Variants in DDX54 observed in about 807,000 individuals in gnomAD.
DDX54 encodes the protein DEAD-box helicase 54, also known as ATP-dependent RNA helicase DDX54.
A neutral mutation model predicts 105.5 loss-of-function variants in DDX54; 67 were observed. The observed-to-expected ratio is 0.64, with a 90% CI of 0.52 to 0.78. The LOEUF (loss-of-function observed/expected upper bound fraction) is 0.78. Among genes scored for constraint, DDX54 ranks in the 30% least tolerant of loss-of-function variants. The pLI, the probability that DDX54 is intolerant of heterozygous loss-of-function variation, is 0.00. For missense variants in DDX54, 1,206 were observed against 1,230.5 expected, an observed-to-expected ratio of 0.98 and a Z score of 0.30; for synonymous variants, 514 against 509.9, an observed-to-expected ratio of 1.01 and a Z score of -0.11.
At chr12:113,165,538 T>A in intron 14 of DDX54, 106 bp downstream of exon 14, 2 of 1,242,458 alleles carry the variant, frequency 1.6e-6, no homozygotes, top group Admixed American at 2.9e-5. Context: ...GCAATCTGAG[T>A]CCTGGCACCA....
chr12:113,157,979 GAAA>G lies in DDX54; in HGVS notation c.*895_*897del. On this transcript the variant is annotated 3_prime_UTR_variant, in exon 20 of 20. Transcript: ENST00000306014. Reference sequence around the variant, plus strand: ...CTCCCTGCCAGGGTGGTTGGGGCATGAAAAAAAACTCTTTGTCAGGTCTCAGAA... The same window carrying G: ...CTCCCTGCCAGGGTGGTTGGGGCATGAAAAACTCTTTGTCAGGTCTCAGAA... 2.3e-6 allele frequency: 1 copy of G among 440,212 alleles called. No individual in the cohort carries two copies. Among genetic ancestry groups the G allele is most frequent in the Admixed American group, 3.5e-5 (1 of 28,948 alleles). 27.3% of individuals were successfully genotyped at this position (440,212 alleles called of 1,614,324 possible).
In DDX54 at chr12:113,163,563, C is replaced by A. The variant is rs565328389; in HGVS notation, c.1939-289G>T. On this transcript the variant is annotated intron_variant, in intron 15 of 19. Coordinates refer to ENST00000306014, the MANE Select transcript of DDX54 (RefSeq NM_024072.4). This position sits in a 1 kb window ranked among gnomAD's most constrained non-coding sequence, Gnocchi z 5.9. The stretch of plus-strand genomic sequence containing the variant: ...GAGACCCAACTCCCCATTCCAGCTC[C>A]GCACCCCAGGCTATGTGACAGCCGG... Among the ~76,000 whole-genome samples, 112 of 152,294 alleles carry A rather than the reference C, an allele frequency of 7.4e-4. No individual in the cohort carries two copies. Among genetic ancestry groups the A allele is most frequent in the Non-Finnish European group, 1.2e-3 (84 of 68,024 alleles).
chr12:113,157,406 G>A lies in DDX54; in HGVS notation c.*1471C>T, dbSNP rs1172073554. 6.8e-6 allele frequency: 4 copies of A among 592,090 alleles called. No homozygotes were observed. The highest frequency in any genetic ancestry group is 6.2e-5 in the South Asian group (3 of 48,624). The allele number at this position is 592,090 out of a possible 1,614,324, so 36.7% of individuals were successfully genotyped here. On this transcript the variant is annotated 3_prime_UTR_variant, in exon 20 of 20. Transcript: ENST00000306014. ...GTCTGCTCACGCAGCAGTTGGGAAG[G>A]TTGGCCTGAGGCTTTCAAAACCCAG...
At position 113,180,031 on chromosome 12, in the gene DDX54, G is replaced by A. The variant is rs781391511; in HGVS notation, c.305-26C>T. ...CTGGGAGAGACATGAAACGGTCAGG[G>A]GGCCGAGGGAGTCCCCACAGCACCA... On this transcript the variant is annotated intron_variant, in intron 2 of 19. Transcript: ENST00000306014. The A allele has an allele frequency of 1.9e-6, 3 of 1,613,690 alleles. No homozygotes were observed. In the East Asian group the frequency reaches 6.7e-5, roughly 36 times the overall value.
At position 113,164,188 on chromosome 12, in the gene DDX54, T is replaced by G; in HGVS notation, c.1817A>C (p.Gln606Pro). The G allele has an allele frequency of 6.4e-7, 1 of 1,569,584 alleles. No homozygotes were observed. The highest frequency in any genetic ancestry group is 1.7e-4 in the Middle Eastern group (1 of 5,990). Residue 606 changes from glutamine (Q) to proline (P), a missense_variant, in exon 15 of 20, where the codon CAG (glutamine) becomes CCG (proline). By Grantham distance (76) the Gln-to-Pro change is moderately conservative (BLOSUM62 -1). Coordinates refer to ENST00000306014, the MANE Select transcript of DDX54 (RefSeq NM_024072.4). ...KDRKAIARFQQGQQGRQEQQE... is the reference protein window; with the variant it reads ...KDRKAIARFQPGQQGRQEQQE... The stretch of plus-strand genomic sequence containing the variant: ...CTGCTCCTGCCGCCCCTGCTGTCCC[T>G]GCTGGAAGCGGGCGATGGCCTTGCG...
intron 12 of DDX54, among the ~76,000 whole-genome samples, chr12:113,166,560 G>C (rs2136317123): frequency 6.6e-6 from 1 of 152,216 alleles, no homozygotes; most frequent in South Asian, 2.1e-4. Context: ...AATTAGCCGG[G>C]CATGGTGGTG....
intron 11 of DDX54, among the ~76,000 whole-genome samples, chr12:113,170,527 T>C (rs1223726886): frequency 1.3e-5 from 2 of 152,172 alleles, no homozygotes; most frequent in African/African-American, 4.8e-5. Context: ...TAGCCCTAAG[T>C]ACTTGGGAGG....
In DDX54 at chr12:113,174,864, T is replaced by C. The variant is rs1290467179; in HGVS notation, c.936+11A>G. ...ACACAACCTCCTGGGATGGGACAGG[T>C]GCAGCCTCACCTTCAGCTGCTCGTT... On this transcript the variant is annotated intron_variant, in intron 9 of 19. Transcript: ENST00000306014. 1 of 1,614,136 alleles carries C rather than the reference T, an allele frequency of 6.2e-7. No homozygotes were observed. Among genetic ancestry groups the C allele is most frequent in the Admixed American group, 1.7e-5 (1 of 60,016 alleles).
At chr12:113,176,033 C>T (rs1952398676) in intron 7 of DDX54, among the ~76,000 whole-genome samples, 1 of 147,264 alleles carries the variant, frequency 6.8e-6, no homozygotes, top group Non-Finnish European at 1.5e-5. Context: ...CCCTCCCCAA[C>T]TCTGCCAGGG....
chr12:113,172,556 G>A lies in DDX54; in HGVS notation c.1076C>T (p.Thr359Met), dbSNP rs549423905. ...GTGGGCGCAGCTCACCCGCTGGGTC[G>A]TCAGCAGCTGCTCAGAGCAAAGATG... Reference protein sequence around the residue: ...HHAEYLTELLTTQRVSCAHIY... With the variant: ...HHAEYLTELLMTQRVSCAHIY... Residue 359 changes from threonine to methionine, a missense_variant, in exon 11 of 20, where the codon ACG (threonine) becomes ATG (methionine). Coordinates refer to ENST00000306014, the MANE Select transcript of DDX54 (RefSeq NM_024072.4). 12 of 1,614,068 alleles carry A rather than the reference G, an allele frequency of 7.4e-6. No individual in the cohort carries two copies. The highest frequency in any genetic ancestry group is 3.3e-4 in the Middle Eastern group (2 of 6,058).
In DDX54 at chr12:113,172,550, T is replaced by A; in HGVS notation, c.1082A>T (p.Gln361Leu). 1 of 1,614,156 alleles carries A rather than the reference T, an allele frequency of 6.2e-7. No homozygotes were observed. Among genetic ancestry groups the A allele is most frequent in the Non-Finnish European group, 8.5e-7 (1 of 1,180,040 alleles). Residue 361 changes from glutamine to leucine, a missense_variant, in exon 11 of 20, where the codon CAG becomes CTG. By Grantham distance (113) the Gln-to-Leu change is moderately radical (BLOSUM62 -2). Around this residue, in one of 3 missense-constraint regions of DDX54, gnomAD observed 961 missense variants for 1,019.1 expected, o/e 0.94. Transcript: ENST00000306014. ...GTAGATGTGGGCGCAGCTCACCCGC[T>A]GGGTCGTCAGCAGCTGCTCAGAGCA... ...AEYLTELLTT[Q>L]RVSCAHIYSA...
chr12:113,177,182 C>A, intron 5 of DDX54, 89 bp from the exon 6 acceptor site: 1 of 1,484,260 alleles, frequency 6.7e-7, no homozygotes, highest in Non-Finnish European at 9.3e-7. Context: ...GCTGCACACC[C>A]CATCCCCAGG....
chr12:113,185,135 G>T, intron 1 of DDX54, 143 bp downstream of exon 1: 1 of 1,109,936 alleles, frequency 9.0e-7, no homozygotes, highest in Non-Finnish European at 1.2e-6. Context: ...CAGGCCGGCG[G>T]TCCCAAGACC....
rs1038821271 is a variant in DDX54, at chr12:113,163,383, G to A, written c.1939-109C>T. 3.8e-5 allele frequency: 55 copies of A among 1,462,514 alleles called. No individual in the cohort carries two copies. The East Asian group carries it at 8.9e-4, about 24-fold the overall frequency. The allele number at this position is 1,462,514 out of a possible 1,614,324, so 90.6% of individuals were successfully genotyped here. On this transcript the variant is annotated intron_variant, in intron 15 of 19. Transcript: ENST00000306014. The surrounding 1 kb of genome is among the most constrained non-coding windows in gnomAD (Gnocchi z 5.9). ...CACAGTGAGGGGCCAGTGGCTTCTC[G>A]GGGACTTTCAAAGCTTCATTTTGCC... is the stretch of plus-strand genomic sequence containing the variant.
At chr12:113,171,876 C>T (rs903234739) in intron 11 of DDX54, among the ~76,000 whole-genome samples, 5 of 152,112 alleles carry the variant, frequency 3.3e-5, no homozygotes, top group Non-Finnish European at 5.9e-5. Flanking sequence ...ACCCAATAGC[C>T]GTCAAAAACA....
chr12:113,181,017 T>C lies in DDX54; in HGVS notation c.216A>G (p.Glu72=). The C allele has an allele frequency of 1.2e-6, 2 of 1,613,286 alleles. No individual in the cohort carries two copies. Among genetic ancestry groups the C allele is most frequent in the Non-Finnish European group, 1.7e-6 (2 of 1,179,670 alleles). ...TGTCCGGCTCCACATCCGAGGTGCATTCCGAGGTGGGGAAGGTGGGCAGGG... is the reference window on the plus strand; with the variant it reads ...TGTCCGGCTCCACATCCGAGGTGCACTCCGAGGTGGGGAAGGTGGGCAGGG... ...GRPLPTFPTS[E]CTSDVEPDTR... is the part of the protein sequence containing the mutation. The change falls in exon 2 of 20, where the codon GAA becomes GAG. Residue 72 remains glutamate, a synonymous_variant. Transcript: ENST00000306014.
In DDX54 at chr12:113,185,335, G is replaced by A; in HGVS notation, c.117C>T (p.Ser39=). 2 of 1,584,764 alleles carry A rather than the reference G, an allele frequency of 1.3e-6. No individual in the cohort carries two copies. Among genetic ancestry groups the A allele is most frequent in the East Asian group, 2.3e-5 (1 of 42,578 alleles). ...TCTCAAACTCGCCGTCCTCCGAGTC[G>A]CTGCCGCGGGCCTGGGAGGCCGCGC... is the stretch of plus-strand genomic sequence containing the variant. ...RRGAASQARG[S]DSEDGEFEIQ... The change falls in exon 1 of 20, where the codon AGC becomes AGT. Residue 39 remains serine (S), a synonymous_variant. Transcript: ENST00000306014.
chr12:113,185,437 C>A lies in DDX54; in HGVS notation c.15G>T (p.Lys5Asn). The change falls in exon 1 of 20, where the codon AAG becomes AAT. Residue 5 changes from lysine to asparagine, a missense_variant. By Grantham distance (94) the Lys-to-Asn change is moderately conservative. Coordinates refer to ENST00000306014, the MANE Select transcript of DDX54 (RefSeq NM_024072.4). Reference protein sequence around the residue: MAADKGPAAGPRSRA... With the variant: MAADNGPAAGPRSRA... ...GCGACCGAGGTCCAGCCGCCGGGCC[C>A]TTGTCGGCCGCCATTCGGGCCGCGC... The A allele has an allele frequency of 6.6e-7, 1 of 1,510,456 alleles. No homozygotes were observed. Among genetic ancestry groups the A allele is most frequent in the Non-Finnish European group, 8.8e-7 (1 of 1,132,786 alleles). 93.6% of individuals were successfully genotyped at this position (1,510,456 alleles called of 1,614,324 possible). A position where few individuals can be genotyped will look rare whatever the true frequency, so the allele number is the denominator to read the frequency against.
intron 9 of DDX54, 27 bp from the exon 10 acceptor site, chr12:113,174,798 GCTTACGGGGTC>G: frequency 6.2e-7 from 1 of 1,614,194 alleles, no homozygotes; most frequent in Non-Finnish European, 8.5e-7. Context: ...TCACGTGTTG[GCTTACGGGGTC>G]CTGGCCCAGG....
Sources: allele counts gnomAD v4.1 joint callset (sites outside exome capture counted in the v4.1 genomes callset), GRCh38; gene constraint gnomAD v4.1.1; regional missense constraint gnomAD v4.1.1; non-coding constraint Gnocchi (gnomAD v3.1); transcripts MANE v1.5; gene names NCBI Gene and HGNC (gene_info 2026-07-23, HGNC 2026-07-21).